Variants in TMEM175 observed in about 807,000 individuals in gnomAD.
The protein encoded by TMEM175 is endosomal/lysosomal proton channel TMEM175.
In TMEM175, 36 loss-of-function variants were observed where a neutral mutation model predicts 36.5. The ratio of observed to expected loss-of-function variants is 0.99; its 90% CI spans 0.76 to 1.30. TMEM175 has a LOEUF of 1.30. Ranked by LOEUF, TMEM175 falls within the 50% of genes most tolerant of loss-of-function variation. TMEM175 has a pLI of 0.00. For synonymous variants in TMEM175, 339 were observed against 313.4 expected (o/e 1.08, Z -0.86); for missense variants, 705 against 692.8 (o/e 1.02, Z -0.20).
rs542607661 is a variant in TMEM175 at position 952,234 on chromosome 4, G to A, written c.379-133G>A. 2,410 of 762,744 alleles carry A rather than the reference G, an allele frequency of 3.2e-3. 10 individuals carry two copies. Among genetic ancestry groups the A allele is most frequent in the Non-Finnish European group, 4.2e-3 (1,890 of 454,868 alleles). The allele number at this position is 762,744 out of a possible 1,614,324, so 47.2% of individuals were successfully genotyped here. Reference sequence around the variant, plus strand: ...ACATGCCCCCCAGCACCCAGCTGGCGCCATCCTGTGATGGCCCCACCGCAT... The same window carrying A: ...ACATGCCCCCCAGCACCCAGCTGGCACCATCCTGTGATGGCCCCACCGCAT... On this transcript the variant is annotated intron_variant, in intron 6 of 10. Coordinates refer to ENST00000264771, the MANE Select transcript of TMEM175 (RefSeq NM_032326.4).
intron 1 of TMEM175, among the ~76,000 whole-genome samples, chr4:944,796 A>C (rs1727924529): frequency 6.6e-6 from 1 of 152,160 alleles, no homozygotes. Context: ...AATGTGTTTT[A>C]GTTTTATTGT....
Position 947,749 on chromosome 4 carries a change from C to T in TMEM175, c.10C>T (p.Pro4Ser), listed in dbSNP as rs1423471981. 1.2e-6 allele frequency: 2 copies of T among 1,607,422 alleles called. No homozygotes were observed. Among genetic ancestry groups the T allele is most frequent in the Non-Finnish European group, 1.7e-6 (2 of 1,176,528 alleles). Reference sequence around the variant, plus strand: ...AGGCAGCGGCCCCGCCATGTCCCAGCCCCGGACCCCAGAGCAGGCACTGGA... The same window carrying T: ...AGGCAGCGGCCCCGCCATGTCCCAGTCCCGGACCCCAGAGCAGGCACTGGA... MSQPRTPEQALDTP... is the reference protein window; with the variant it reads MSQSRTPEQALDTP... The change falls in exon 2 of 11, where the codon CCC becomes TCC. Residue 4 changes from proline to serine, a missense_variant. Coordinates refer to ENST00000264771, the MANE Select transcript of TMEM175 (RefSeq NM_032326.4).
chr4:958,167 A>G lies in TMEM175; in HGVS notation c.1186A>G (p.Thr396Ala). Residue 396 changes from threonine (T) to alanine (A), a missense_variant, in exon 11 of 11, where the codon ACG becomes GCG. Thr to Ala is a moderately conservative substitution (Grantham distance 58). Coordinates refer to ENST00000264771, the MANE Select transcript of TMEM175 (RefSeq NM_032326.4). Reference sequence around the variant, plus strand: ...CATCTTCCAGCTGGCCATGTGGACCACGGCGCTGCTGCACCAGGCGGAGAC... The same window carrying G: ...CATCTTCCAGCTGGCCATGTGGACCGCGGCGCTGCTGCACCAGGCGGAGAC... ...ASIFQLAMWT[T>A]ALLHQAETLQ... The G allele has an allele frequency of 6.2e-7, 1 of 1,603,410 alleles. No individual in the cohort carries two copies. The highest frequency in any genetic ancestry group is 8.5e-7 in the Non-Finnish European group (1 of 1,179,326).
rs3066989 is a variant in TMEM175 at position 952,474 on chromosome 4, CTGTGTGTGTGTGTGTGTGTGTGTG to C, written c.462+45_462+68del. 874 of 1,008,038 alleles carry C rather than the reference CTGTGTGTGTGTGTGTGTGTGTGTG, an allele frequency of 8.7e-4. 3 individuals are homozygous for C. The East Asian group carries it at 0.018, about 21-fold the overall frequency. The allele number at this position is 1,008,038 out of a possible 1,614,324, so 62.4% of individuals were successfully genotyped here. ...AGGTAGGGGGCCTGGGGGGCCTGCA[CTGTGTGTGTGTGTGTGTGTGTGTG>C]TGTGTGTGTGTGTGTGTGTGATCAC... On this transcript the variant is annotated intron_variant, in intron 7 of 10. Coordinates refer to ENST00000264771, the MANE Select transcript of TMEM175 (RefSeq NM_032326.4).
At chr4:950,888 G>A (rs1728803310) in intron 4 of TMEM175, among the ~76,000 whole-genome samples, 1 of 150,870 alleles carries the variant, frequency 6.6e-6, no homozygotes. Context: ...AGGTGTGGAT[G>A]GTGCAATAGG....
intron 10 of TMEM175, 60 bp from the exon 11 acceptor site, chr4:957,764 T>C (rs532458819): frequency 3.0e-5 from 45 of 1,523,178 alleles, no homozygotes; most frequent in Non-Finnish European, 3.8e-5. Flanking sequence ...TCAGCCACCC[T>C]GCTGGGGCCT....
At chr4:946,075 C>G (rs1397195070) in intron 1 of TMEM175, 1 of 152,396 alleles carries the variant, frequency 6.6e-6, no homozygotes, top group Non-Finnish European at 1.5e-5. Flanking sequence ...CTCACCATCC[C>G]TCAAGAATGT....
chr4:937,852 T>C (rs1258109323), intron 1 of TMEM175, among the ~76,000 whole-genome samples: 1 of 151,674 alleles, frequency 6.6e-6, no homozygotes, highest in Non-Finnish European at 1.5e-5. Context: ...CGTGACCGAG[T>C]GGGATATCTC....
At chr4:957,071 G>A (rs191574530) in intron 10 of TMEM175, among the ~76,000 whole-genome samples, 12 of 152,338 alleles carry the variant, frequency 7.9e-5, no homozygotes, top group Non-Finnish European at 1.6e-4. Context: ...GGCCGGGACA[G>A]TGACCTCTCC....
intron 3 of TMEM175, among the ~76,000 whole-genome samples, chr4:949,785 G>A (rs993138726): frequency 1.1e-4 from 17 of 152,150 alleles, no homozygotes; most frequent in South Asian, 2.1e-4. Flanking sequence ...GGGGTCCCTC[G>A]CAGCTTCCAC....
rs1261469131 is a variant in TMEM175, at chr4:947,896, T to C, written c.153+4T>C. On this transcript the variant is annotated splice_donor_region_variant and intron_variant, in intron 2 of 10. Coordinates refer to ENST00000264771, the MANE Select transcript of TMEM175 (RefSeq NM_032326.4). Reference sequence around the variant, plus strand: ...GTCCATCATCGCCACCGTCATGGTCTGTACGGGGCCCCTGCTTAGGCCTGC... The same window carrying C: ...GTCCATCATCGCCACCGTCATGGTCCGTACGGGGCCCCTGCTTAGGCCTGC... The C allele has an allele frequency of 1.9e-6, 3 of 1,613,750 alleles. No individual in the cohort carries two copies. Among genetic ancestry groups the C allele is most frequent in the East Asian group, 2.2e-5 (1 of 44,888 alleles).
In TMEM175 at chr4:955,384, C is replaced by T. The variant is rs146038944; in HGVS notation, c.628-21C>T. The T allele has an allele frequency of 6.0e-5, 96 of 1,609,466 alleles. No homozygotes were observed. The African/African-American group carries it at 1.0e-3, about 17-fold the overall frequency. ...TCGGACCCCTGTGGAGGGCACTGAC[C>T]TGCGGTTTGTCTCCCTGCAGTCTTA... On this transcript the variant is annotated intron_variant, in intron 8 of 10. Coordinates refer to ENST00000264771, the MANE Select transcript of TMEM175 (RefSeq NM_032326.4).
intron 10 of TMEM175, 63 bp downstream of exon 10, chr4:955,953 T>C (rs958133398): frequency 1.9e-6 from 3 of 1,578,988 alleles, no homozygotes; most frequent in Non-Finnish European, 2.6e-6. Context: ...GTCCCTGGCG[T>C]CTCATCCTGG....
intron 6 of TMEM175, chr4:952,074 C>A: frequency 1.7e-6 from 1 of 584,972 alleles, no homozygotes; most frequent in Non-Finnish European, 3.0e-6. Context: ...CTGGCAGTGG[C>A]CGCTAGTCTG....
intron 3 of TMEM175, among the ~76,000 whole-genome samples, chr4:949,130 C>G (rs567064060): frequency 6.6e-6 from 1 of 152,106 alleles, no homozygotes; most frequent in Non-Finnish European, 1.5e-5. Context: ...CAAATGCAGT[C>G]GTGAGGTACT....
intron 1 of TMEM175, among the ~76,000 whole-genome samples, chr4:933,357 A>C (rs1365582629): frequency 6.6e-6 from 1 of 152,104 alleles, no homozygotes; most frequent in Non-Finnish European, 1.5e-5. Flanking sequence ...AAATACAAAA[A>C]TTAGCCGAGC....
At chr4:950,588 C>A in intron 4 of TMEM175, 70 bp downstream of exon 4, 1 of 1,197,598 alleles carries the variant, frequency 8.4e-7, no homozygotes, top group Non-Finnish European at 1.2e-6. Flanking sequence ...CCACATCACG[C>A]ACGGGTCCAT....
chr4:948,542 G>A (rs1560485681), intron 3 of TMEM175: 1 of 1,360,594 alleles, frequency 7.3e-7, no homozygotes, highest in Non-Finnish European at 9.7e-7. Flanking sequence ...TTACGTAGCT[G>A]CTCTGAGTAA....
At position 958,090 on chromosome 4, in the gene TMEM175, G is replaced by T; in HGVS notation, c.1109G>T (p.Arg370Leu). ...ACCTCGGCCTTCGCCCGGCAGCCCC[G>T]CGATGAGCTGGAGCGCGTGCGTGTC... is the stretch of plus-strand genomic sequence containing the variant. ...QQTSAFARQPRDELERVRVSC... is the reference protein window; with the variant it reads ...QQTSAFARQPLDELERVRVSC... Residue 370 changes from arginine (R) to leucine (L), a missense_variant, in exon 11 of 11, where the codon CGC (arginine) becomes CTC (leucine). Arg to Leu is a moderately radical substitution (Grantham distance 102). Coordinates refer to ENST00000264771, the MANE Select transcript of TMEM175 (RefSeq NM_032326.4). 1.2e-6 allele frequency: 2 copies of T among 1,606,944 alleles called. No homozygotes were observed. Among genetic ancestry groups the T allele is most frequent in the South Asian group, 2.2e-5 (2 of 91,062 alleles).
Sources: gnomAD v4.1 joint callset for allele counts (sites outside exome capture counted in the v4.1 genomes callset) on GRCh38, gnomAD v4.1.1 for gene constraint, MANE v1.5 for transcripts, NCBI Gene and HGNC (gene_info 2026-07-23, HGNC 2026-07-21) for gene names.